Variants in KRT8 observed in about 807,000 individuals in gnomAD.
KRT8 encodes keratin, type II cytoskeletal 8.
Under a neutral mutation model 43.0 loss-of-function variants are expected in KRT8, and 24 were observed. That is an observed-to-expected ratio of 0.56 (90% CI 0.40 to 0.78). The LOEUF (loss-of-function observed/expected upper bound fraction) is 0.78, where lower values mean the gene tolerates loss of function less well. KRT8 is among the 30% of genes least tolerant of loss of function. The probability of loss-of-function intolerance (pLI) is 0.00; values close to 1 mark genes in which losing one functional copy is unlikely to be tolerated. For missense variants in KRT8, 492 were observed against 638.4 expected (o/e 0.77, Z 2.47); for synonymous variants, 214 against 261.2 (o/e 0.82, Z 1.74).
chr12:52,929,348 C>T (rs1476238593), intron 2 of KRT8, among the ~76,000 whole-genome samples: 7 of 152,100 alleles, frequency 4.6e-5, no homozygotes, highest in Non-Finnish European at 7.4e-5. Flanking sequence ...CCCACCACCA[C>T]GCCCAGCTGA....
At chr12:52,933,873 T>C (rs548703136) in intron 2 of KRT8, among the ~76,000 whole-genome samples, 1 of 148,164 alleles carries the variant, frequency 6.7e-6, no homozygotes, top group South Asian at 2.3e-4. Flanking sequence ...GATCTACCCA[T>C]CTCAGCCTCC....
upstream of KRT8, among the ~76,000 whole-genome samples, chr12:52,909,544 C>T (rs1262232397): frequency 6.6e-6 from 1 of 152,118 alleles, no homozygotes; most frequent in Admixed American, 6.5e-5. Flanking sequence ...GACTTTTTTG[C>T]TCTTGATCAG....
chr12:52,941,519 A>ATG (rs1565734320), intron 2 of KRT8, among the ~76,000 whole-genome samples: 1 of 96,354 alleles, frequency 1.0e-5, no homozygotes, highest in African/African-American at 4.0e-5. Flanking sequence ...ACAGTGTTTC[A>ATG]CTCTTGTTAC....
At chr12:52,936,528 T>C (rs1361483577) in intron 2 of KRT8, among the ~76,000 whole-genome samples, 2 of 152,308 alleles carry the variant, frequency 1.3e-5, no homozygotes, top group South Asian at 2.1e-4. Flanking sequence ...GTTGTTGTTG[T>C]TGAGATGGAG....
chr12:52,922,184 TAAAAAAAAAAAAAAAAAAAAAAA>T (rs57023136), intron 2 of KRT8, among the ~76,000 whole-genome samples: 3 of 38,674 alleles, frequency 7.8e-5, no homozygotes, highest in Admixed American at 3.7e-4. Context: ...ACCCTGTCTC[TAAAAAAAAAAAAAAAAAAAAAAA>T]AAAAAAAAAA....
intron 2 of KRT8, among the ~76,000 whole-genome samples, chr12:52,944,078 G>T (rs531517332): frequency 1.3e-5 from 2 of 152,290 alleles, no homozygotes; most frequent in East Asian, 3.9e-4. Flanking sequence ...GCAGACAGGA[G>T]GGGAGGTCAG....
intron 2 of KRT8, among the ~76,000 whole-genome samples, chr12:52,920,884 C>T (rs1941870301): frequency 6.6e-6 from 1 of 152,192 alleles, no homozygotes; most frequent in South Asian, 2.1e-4. Context: ...TGCATGTGTG[C>T]ATATATGTCT....
chr12:52,904,887 C>T lies in KRT8; in HGVS notation c.95G>A (p.Arg32His), dbSNP rs778111216. 4 of 1,612,660 alleles carry T rather than the reference C, an allele frequency of 2.5e-6. No homozygotes were observed. In the South Asian group the frequency reaches 4.4e-5, roughly 18 times the overall value. ...TCGGGAGAAGCTCGAGGAGCTGATG[C>T]GGGAACCGGGCCCACTCGTGTAGGA... is the stretch of plus-strand genomic sequence containing the variant. Residue 32 changes from arginine (R) to histidine (H), a missense_variant, in exon 1 of 8, where the codon CGC becomes CAC. By Grantham distance (29) the Arg-to-His change is conservative. Coordinates refer to ENST00000692008, the Ensembl canonical transcript of KRT8.
chr12:52,901,880 C>T, exon 2 of KRT8: 1 of 1,610,856 alleles, frequency 6.2e-7, no homozygotes, highest in Non-Finnish European at 8.5e-7. Context: ...TTGAAGTCCT[C>T]CACCAGCCCC....
At chr12:52,907,542 G>A (rs957438510), upstream of KRT8, among the ~76,000 whole-genome samples, 37 of 152,306 alleles carry the variant, frequency 2.4e-4, no homozygotes, top group Admixed American at 2.1e-3. Flanking sequence ...CTGGTTCCCT[G>A]GTTCTAGGAG....
chr12:52,899,272 G>A (rs766717505), intron 5 of KRT8, among the ~76,000 whole-genome samples: 1 of 152,056 alleles, frequency 6.6e-6, no homozygotes, highest in Non-Finnish European at 1.5e-5. Context: ...CCGAGATCAC[G>A]CCACTGCACT....
chr12:52,913,192 G>C (rs1187626924), intron 2 of KRT8, among the ~76,000 whole-genome samples: 1 of 152,178 alleles, frequency 6.6e-6, no homozygotes, highest in Non-Finnish European at 1.5e-5. Context: ...CTCCTCAAAA[G>C]TGAGCCGCCC....
At chr12:52,940,827 C>T (rs1425505489) in intron 2 of KRT8, among the ~76,000 whole-genome samples, 1 of 151,650 alleles carries the variant, frequency 6.6e-6, no homozygotes, top group Non-Finnish European at 1.5e-5. Flanking sequence ...GGGGTTTCAC[C>T]ATCTTGGCCA....
chr12:52,906,643 A>G (rs1941526614), upstream of KRT8: 6 of 454,778 alleles, frequency 1.3e-5, no homozygotes, highest in East Asian at 7.0e-5. Flanking sequence ...TCCACCTGCA[A>G]TTACCTGATG....
intron 2 of KRT8, among the ~76,000 whole-genome samples, chr12:52,943,091 T>A (rs756979704): frequency 5.9e-5 from 9 of 152,192 alleles, no homozygotes; most frequent in Non-Finnish European, 8.8e-5. Context: ...CACACTTTAG[T>A]GCTATTGCTT....
chr12:52,937,904 G>T (rs1942193985), intron 2 of KRT8, among the ~76,000 whole-genome samples: 1 of 149,350 alleles, frequency 6.7e-6, no homozygotes, highest in African/African-American at 2.5e-5. Flanking sequence ...GGAGACTGAG[G>T]CAAGAGAATT....
intron 2 of KRT8, among the ~76,000 whole-genome samples, chr12:52,918,027 G>GAGA (rs1941781245): frequency 1.4e-4 from 2 of 13,942 alleles, no homozygotes; most frequent in Non-Finnish European, 2.6e-4. Flanking sequence ...AGAAGAAGAA[G>GAGA]AGGAGGAGGA....
At chr12:52,933,717 C>T (rs1291530203) in intron 2 of KRT8, among the ~76,000 whole-genome samples, 6 of 151,896 alleles carry the variant, frequency 4.0e-5, no homozygotes, top group East Asian at 1.9e-4. Flanking sequence ...CTCCGCCTCC[C>T]GGGTTCAAGC....
At chr12:52,926,882 C>T (rs1942002538) in intron 2 of KRT8, among the ~76,000 whole-genome samples, 1 of 152,104 alleles carries the variant, frequency 6.6e-6, no homozygotes, top group African/African-American at 2.4e-5. Context: ...AGGGGCGTGT[C>T]TTATACATGT....
Sources: gnomAD v4.1 joint callset for allele counts (sites outside exome capture counted in the v4.1 genomes callset) on GRCh38, gnomAD v4.1.1 for gene constraint, MANE v1.5 for transcripts, NCBI Gene and HGNC (gene_info 2026-07-23, HGNC 2026-07-21) for gene names.